SUPT5H: variants seen among roughly 807,000 people sequenced by gnomAD.
SUPT5H encodes the protein transcription elongation factor SPT5.
Under a neutral mutation model 142.5 loss-of-function variants are expected in SUPT5H, and 24 were observed. That is an observed-to-expected ratio of 0.17 (90% CI 0.12 to 0.24). The LOEUF (loss-of-function observed/expected upper bound fraction) is 0.24, where lower values mean the gene tolerates loss of function less well. Ranked by LOEUF, SUPT5H falls within the 10% of genes least tolerant of loss-of-function variation. The probability of loss-of-function intolerance (pLI) is 1.00; values close to 1 mark genes in which losing one functional copy is unlikely to be tolerated. For synonymous variants in SUPT5H, 546 were observed against 553.0 expected (o/e 0.99, Z 0.18); for missense variants, 893 against 1,471.8 (o/e 0.61, Z 6.43).
At position 39,451,758 on chromosome 19, in the gene SUPT5H, C is replaced by CT. The variant is rs201280046; in HGVS notation, c.76-1597dup. ...CATTGGCTAGGCGGGTCTTGTACTC[C>CT]TGATGTCAGGTGATCCACCCGCTTT... On this transcript the variant is annotated intron_variant, in intron 2 of 29. Transcript: ENST00000432763. 2.6e-3 allele frequency among the ~76,000 whole-genome samples: 397 copies of CT among 152,236 alleles called. 5 individuals carry two copies. The highest frequency in any genetic ancestry group is 8.8e-3 in the African/African-American group (367 of 41,546).
Position 39,469,431 on chromosome 19 carries a change from A to C in SUPT5H, c.1374+33A>C, listed in dbSNP as rs1348861518. 1 of 1,613,848 alleles carries C rather than the reference A, an allele frequency of 6.2e-7. No homozygotes were observed. Among genetic ancestry groups the C allele is most frequent in the Non-Finnish European group, 8.5e-7 (1 of 1,179,986 alleles). Reference sequence around the variant, plus strand: ...CCCGGTGTTCTCGGGCAGGGGTTGGAGTGTTCAGGCACATCTGACTGTATG... The same window carrying C: ...CCCGGTGTTCTCGGGCAGGGGTTGGCGTGTTCAGGCACATCTGACTGTATG... On this transcript the variant is annotated intron_variant, in intron 16 of 29. Transcript: ENST00000432763. The surrounding 1 kb of genome is among the most constrained non-coding windows in gnomAD (Gnocchi z 5.1).
rs2079218780 is a variant in SUPT5H, at chr19:39,465,196, C to T, written c.876+147C>T. On this transcript the variant is annotated intron_variant, in intron 11 of 29. Transcript: ENST00000432763. Reference sequence around the variant, plus strand: ...GCAGAGCCTGGGTTTTGTGAGCACACAGGAAACGGTTGGCTGTCTTCTGTG... The same window carrying T: ...GCAGAGCCTGGGTTTTGTGAGCACATAGGAAACGGTTGGCTGTCTTCTGTG... 5 of 1,248,028 alleles carry T rather than the reference C, an allele frequency of 4.0e-6. No individual in the cohort carries two copies. The South Asian group carries it at 5.9e-5, about 15-fold the overall frequency. 77.3% of individuals were successfully genotyped at this position (1,248,028 alleles called of 1,614,324 possible).
In SUPT5H at chr19:39,471,422, C is replaced by T; in HGVS notation, c.1743C>T (p.Asn581=). ...AGGCTGTGACCCGGAAGAAGGACAA[C>T]CGCTTTGCTGTGGCCTTGGACTCAG... The part of the protein sequence containing the change: ...RHQAVTRKKD[N]RFAVALDSEQ... The change falls in exon 19 of 30, where the codon AAC becomes AAT. Residue 581 remains asparagine, a synonymous_variant. Coordinates refer to ENST00000432763, the MANE Select transcript of SUPT5H (RefSeq NM_001111020.3). 1.2e-6 allele frequency: 2 copies of T among 1,614,234 alleles called. No homozygotes were observed. Among genetic ancestry groups the T allele is most frequent in the Non-Finnish European group, 1.7e-6 (2 of 1,180,044 alleles).
In SUPT5H at chr19:39,473,511, A is replaced by C; in HGVS notation, c.2482A>C (p.Thr828Pro). The C allele has an allele frequency of 6.2e-7, 1 of 1,609,696 alleles. No individual in the cohort carries two copies. The highest frequency in any genetic ancestry group is 8.5e-7 in the Non-Finnish European group (1 of 1,179,692). ...GGCCTGGGACCCCAACAACCCCAACACGCCGTCACGGTGAGTCCAGGGTTC... is the reference window on the plus strand; with the variant it reads ...GGCCTGGGACCCCAACAACCCCAACCCGCCGTCACGGTGAGTCCAGGGTTC... Reference protein sequence around the residue: ...SGAWDPNNPNTPSRAEEEYEY... With the variant: ...SGAWDPNNPNPPSRAEEEYEY... The change falls in exon 25 of 30, where the codon ACG becomes CCG. Residue 828 changes from threonine to proline, a missense_variant. This residue lies in a region of SUPT5H where 336 missense variants were observed against 546.5 expected (regional missense o/e 0.61). Coordinates refer to ENST00000432763, the MANE Select transcript of SUPT5H (RefSeq NM_001111020.3). The surrounding 1 kb of genome is among the most constrained non-coding windows in gnomAD (Gnocchi z 5.8).
At chr19:39,456,459 C>A (rs1047535329) in intron 3 of SUPT5H, among the ~76,000 whole-genome samples, 11 of 151,226 alleles carry the variant, frequency 7.3e-5, no homozygotes, top group Non-Finnish European at 1.5e-5. Context: ...CCCTCTGTTG[C>A]CCAGGCTGGA....
chr19:39,454,805 G>A (rs926327994), intron 3 of SUPT5H, among the ~76,000 whole-genome samples: 12 of 152,182 alleles, frequency 7.9e-5, no homozygotes, highest in African/African-American at 2.9e-4. Flanking sequence ...TCCTGGGACT[G>A]TTTTACCTGA....
chr19:39,453,633 C>A, intron 3 of SUPT5H, 112 bp downstream of exon 3: 1 of 1,299,458 alleles, frequency 7.7e-7, no homozygotes, highest in Non-Finnish European at 1.0e-6. Flanking sequence ...GGCTGGAGTG[C>A]AGTAGCATGA....
Position 39,458,121 on chromosome 19 carries a change from G to C in SUPT5H, c.308-173G>C. On this transcript the variant is annotated intron_variant, in intron 4 of 29. Coordinates refer to ENST00000432763, the MANE Select transcript of SUPT5H (RefSeq NM_001111020.3). The surrounding 1 kb of genome is among the most constrained non-coding windows in gnomAD (Gnocchi z 4.2). ...TTCGGCTTCTCCCCAACCACCTGGT[G>C]CCTGGCCTTTACTTTTGGTTTTCAA... The C allele has an allele frequency of 1.7e-6, 2 of 1,147,906 alleles. No individual in the cohort carries two copies. The highest frequency in any genetic ancestry group is 1.5e-5 in the South Asian group (1 of 64,746). 71.1% of individuals were successfully genotyped at this position (1,147,906 alleles called of 1,614,324 possible). A position where few individuals can be genotyped will look rare whatever the true frequency, so the allele number is the denominator to read the frequency against.
intron 28 of SUPT5H, chr19:39,475,749 A>T (rs902233403): frequency 6.6e-6 from 2 of 304,498 alleles, no homozygotes; most frequent in East Asian, 1.6e-4. Context: ...TGGGGCCTGC[A>T]GACCATGGGG....
Position 39,458,094 on chromosome 19 carries a change from A to G in SUPT5H, c.308-200A>G, listed in dbSNP as rs931943147. On this transcript the variant is annotated intron_variant, in intron 4 of 29. Transcript: ENST00000432763. The surrounding 1 kb of genome is among the most constrained non-coding windows in gnomAD (Gnocchi z 4.2). The stretch of plus-strand genomic sequence containing the variant: ...ATTTTCCGTTCTGTGCGCCTCATAC[A>G]TTTCGGCTTCTCCCCAACCACCTGG... 4 of 905,534 alleles carry G rather than the reference A, an allele frequency of 4.4e-6. No homozygotes were observed. Among genetic ancestry groups the G allele is most frequent in the South Asian group, 3.4e-5 (2 of 58,550 alleles). The allele number at this position is 905,534 out of a possible 1,614,324, so 56.1% of individuals were successfully genotyped here. A position where few individuals can be genotyped will look rare whatever the true frequency, so the allele number is the denominator to read the frequency against.
rs535674581 is a variant in SUPT5H, at chr19:39,459,701, C to T, written c.555+112C>T. ...CTCCGTGGCCTGCCAGTCACTTGGT[C>T]CTTCTGTCTCCATCCCTCACTCCAC... On this transcript the variant is annotated intron_variant, in intron 9 of 29. Transcript: ENST00000432763. 10 of 1,413,124 alleles carry T rather than the reference C, an allele frequency of 7.1e-6. No homozygotes were observed. In the Admixed American group the frequency reaches 1.4e-4, roughly 19 times the overall value. The allele number at this position is 1,413,124 out of a possible 1,614,324, so 87.5% of individuals were successfully genotyped here. A position where few individuals can be genotyped will look rare whatever the true frequency, so the allele number is the denominator to read the frequency against.
intron 28 of SUPT5H, chr19:39,475,805 AC>A: frequency 2.2e-6 from 1 of 449,540 alleles, no homozygotes. Flanking sequence ...TGTGGGGAAG[AC>A]GCTGAGGCCA....
At chr19:39,454,756 G>C (rs2079066433) in intron 3 of SUPT5H, among the ~76,000 whole-genome samples, 1 of 152,144 alleles carries the variant, frequency 6.6e-6, no homozygotes, top group Admixed American at 6.6e-5. Context: ...CCTTACCTAT[G>C]GGAAGAGGGG....
In SUPT5H at chr19:39,472,742, A is replaced by T. The variant is rs2079338656; in HGVS notation, c.2036-68A>T. The T allele has an allele frequency of 6.5e-7, 1 of 1,549,906 alleles. No individual in the cohort carries two copies. Among genetic ancestry groups the T allele is most frequent in the African/African-American group, 1.4e-5 (1 of 73,674 alleles). On this transcript the variant is annotated intron_variant, in intron 21 of 29. Coordinates refer to ENST00000432763, the MANE Select transcript of SUPT5H (RefSeq NM_001111020.3). This position sits in a 1 kb window ranked among gnomAD's most constrained non-coding sequence, Gnocchi z 4.2. ...GGGAGGAGTCAAGCAAGTGAAGGGG[A>T]CGTTCTGATGGTGCCCTTGCTGTGG...
intron 10 of SUPT5H, among the ~76,000 whole-genome samples, chr19:39,462,596 T>A (rs2079177307): frequency 6.6e-6 from 1 of 152,148 alleles, no homozygotes; most frequent in African/African-American, 2.4e-5. Flanking sequence ...AATGGTGCAG[T>A]CTTGGCCCAC....
intron 13 of SUPT5H, chr19:39,467,058 A>C: frequency 4.9e-6 from 1 of 204,796 alleles, no homozygotes; most frequent in Non-Finnish European, 9.8e-6. Flanking sequence ...AATAATAATA[A>C]TAAAAAGAAA....
At chr19:39,468,459 A>G (rs1028861281) in intron 13 of SUPT5H, 4 of 459,968 alleles carry the variant, frequency 8.7e-6, no homozygotes, top group African/African-American at 5.9e-5. Context: ...TGAATGTTAC[A>G]TCCCTGACCT....
intron 2 of SUPT5H, among the ~76,000 whole-genome samples, chr19:39,447,264 GT>G (rs2078965967): frequency 6.6e-6 from 1 of 152,130 alleles, no homozygotes; most frequent in African/African-American, 2.4e-5. Context: ...GAAGGCTGTG[GT>G]AAGGAATTTG....
Position 39,458,350 on chromosome 19 carries a change from C to G in SUPT5H, c.319+45C>G. ...GATTCCCTGACCTTCCTCCCATATC[C>G]TGACATTTCCTCCTTCCTGAGGCAC... is the stretch of plus-strand genomic sequence containing the variant. On this transcript the variant is annotated intron_variant, in intron 5 of 29. Coordinates refer to ENST00000432763, the MANE Select transcript of SUPT5H (RefSeq NM_001111020.3). The surrounding 1 kb of genome is among the most constrained non-coding windows in gnomAD (Gnocchi z 4.2). 1.3e-6 allele frequency: 2 copies of G among 1,554,648 alleles called. No individual in the cohort carries two copies. The highest frequency in any genetic ancestry group is 1.8e-6 in the Non-Finnish European group (2 of 1,139,826).
Sources: gnomAD v4.1 joint callset for allele counts (sites outside exome capture counted in the v4.1 genomes callset) on GRCh38, gnomAD v4.1.1 for gene constraint, gnomAD v4.1.1 regional missense constraint, Gnocchi (gnomAD v3.1) non-coding constraint, MANE v1.5 for transcripts, NCBI Gene and HGNC (gene_info 2026-07-23, HGNC 2026-07-21) for gene names.